COPS2: variants seen among roughly 807,000 people sequenced by gnomAD.
The protein encoded by COPS2 is COP9 signalosome subunit 2.
In COPS2, 10 loss-of-function variants were observed where a neutral mutation model predicts 66.1. The observed-to-expected ratio is 0.15, with a 90% CI of 0.09 to 0.26. The LOEUF is 0.26. Ranked by LOEUF, COPS2 falls within the 10% of genes least tolerant of loss-of-function variation. COPS2 has a pLI of 1.00. For synonymous variants in COPS2, 179 were observed against 171.3 expected, an observed-to-expected ratio of 1.04 and a Z score of -0.35; for missense variants, 215 against 513.3, an observed-to-expected ratio of 0.42 and a Z score of 5.62.
At chr15:49,142,435 G>A (rs941713359) in intron 3 of COPS2, among the ~76,000 whole-genome samples, 2 of 152,174 alleles carry the variant, frequency 1.3e-5, no homozygotes, top group Non-Finnish European at 2.9e-5. Flanking sequence ...AAGATTAGTA[G>A]AAGTTAACCT....
In COPS2 at chr15:49,126,115, C is replaced by G. The variant is rs968393864; in HGVS notation, c.*1835G>C. The G allele has an allele frequency of 3.3e-5, 5 of 152,366 alleles. No homozygotes were observed. The highest frequency in any genetic ancestry group is 1.2e-4 in the African/African-American group (5 of 41,410). 9.4% of individuals were successfully genotyped at this position (152,366 alleles called of 1,614,324 possible). A position where few individuals can be genotyped will look rare whatever the true frequency, so the allele number is the denominator to read the frequency against. ...AAAATAAATCCTAATTAATATCACT[C>G]TTGTAAAAAAAGTTTAGCACACTTT... On this transcript the variant is annotated 3_prime_UTR_variant, in exon 13 of 13. Coordinates refer to ENST00000388901, the MANE Select transcript of COPS2 (RefSeq NM_004236.4).
intron 7 of COPS2, 71 bp downstream of exon 7, chr15:49,134,269 A>G: frequency 2.0e-6 from 3 of 1,517,656 alleles, no homozygotes; most frequent in South Asian, 1.3e-5. Flanking sequence ...GAAGTTCTAA[A>G]AAGCAAGAGT....
intron 1 of COPS2, 42 bp from the exon 2 acceptor site, chr15:49,145,120 G>A: frequency 1.8e-6 from 2 of 1,105,518 alleles, no homozygotes; most frequent in Non-Finnish European, 1.3e-6. Flanking sequence ...AAAAAGAAAA[G>A]AAACCCACAC....
rs2084179576 is a variant in COPS2 at position 49,127,872 on chromosome 15, T to C, written c.*78A>G. On this transcript the variant is annotated 3_prime_UTR_variant, in exon 13 of 13. Transcript: ENST00000388901. ...TTCAGGACACATCAACCGACAGTAG[T>C]TTTGCCATTCCCAGTTCTTTTAAGG... The C allele has an allele frequency of 2.1e-6, 3 of 1,422,898 alleles. No homozygotes were observed. The highest frequency in any genetic ancestry group is 2.9e-5 in the South Asian group (2 of 68,284). 88.1% of individuals were successfully genotyped at this position (1,422,898 alleles called of 1,614,324 possible).
intron 6 of COPS2, 133 bp downstream of exon 6, chr15:49,137,017 C>A: frequency 1.6e-6 from 1 of 632,032 alleles, no homozygotes; most frequent in Non-Finnish European, 2.7e-6. Context: ...AATTTTATAA[C>A]TTATTTTCTA....
chr15:49,150,418 C>T (rs1043183369), intron 1 of COPS2, among the ~76,000 whole-genome samples: 1 of 151,950 alleles, frequency 6.6e-6, no homozygotes, highest in African/African-American at 2.4e-5. Flanking sequence ...AATACATGTT[C>T]GCTATGTACA....
intron 3 of COPS2, among the ~76,000 whole-genome samples, chr15:49,143,903 T>C (rs2084304762): frequency 6.6e-6 from 1 of 151,860 alleles, no homozygotes; most frequent in East Asian, 1.9e-4. Context: ...GGAGAATCAC[T>C]TGAACCCAGG....
At chr15:49,129,387 C>A in intron 11 of COPS2, 90 bp downstream of exon 11, 2 of 444,756 alleles carry the variant, frequency 4.5e-6, no homozygotes, top group Non-Finnish European at 7.9e-6. Context: ...AAAATGTTAC[C>A]AAGTTAGAGT....
At chr15:49,139,964 C>A (rs904392488) in intron 3 of COPS2, among the ~76,000 whole-genome samples, 6 of 152,068 alleles carry the variant, frequency 3.9e-5, no homozygotes, top group African/African-American at 1.4e-4. Flanking sequence ...TATTCATAAG[C>A]CAAAACATAC....
chr15:49,144,381 T>A, intron 2 of COPS2, 77 bp from the exon 3 acceptor site: 1 of 824,786 alleles, frequency 1.2e-6, no homozygotes, highest in Non-Finnish European at 2.0e-6. Flanking sequence ...GTGTAAGTAT[T>A]GAATTAATTT....
intron 9 of COPS2, among the ~76,000 whole-genome samples, chr15:49,132,216 T>G (rs1479222597): frequency 1.3e-5 from 2 of 152,120 alleles, no homozygotes; most frequent in African/African-American, 4.8e-5. Flanking sequence ...GAAATAAAGA[T>G]GACGTTTCCT....
intron 1 of COPS2, among the ~76,000 whole-genome samples, chr15:49,154,528 A>T (rs1430589677): frequency 2.0e-5 from 3 of 152,206 alleles, no homozygotes; most frequent in Non-Finnish European, 4.4e-5. Flanking sequence ...GGCACTTAAA[A>T]TGAGTCAGAC....
In COPS2 at chr15:49,145,025, G is replaced by A; in HGVS notation, c.108C>T (p.Tyr36=). 6.2e-7 allele frequency: 1 copy of A among 1,605,032 alleles called. No homozygotes were observed. The highest frequency in any genetic ancestry group is 8.5e-7 in the Non-Finnish European group (1 of 1,176,462). ...CTTCTTTTAATGCTTTGGAATTATAGTACTGATTTTCCAAATCCACATTTG... is the reference window on the plus strand; with the variant it reads ...CTTCTTTTAATGCTTTGGAATTATAATACTGATTTTCCAAATCCACATTTG... ...SEPNVDLENQ[Y]YNSKALKEDD... is the part of the protein sequence containing the mutation. The change falls in exon 2 of 13, where the codon TAC becomes TAT. Residue 36 remains tyrosine (Y), a synonymous_variant. Transcript: ENST00000388901.
At chr15:49,146,114 G>A (rs184397746) in intron 1 of COPS2, among the ~76,000 whole-genome samples, 1 of 152,252 alleles carries the variant, frequency 6.6e-6, no homozygotes, top group East Asian at 1.9e-4. Context: ...GGTATGCTGT[G>A]TATAATAAGT....
At position 49,148,961 on chromosome 15, in the gene COPS2, G is replaced by A. The variant is rs183453443; in HGVS notation, c.55-3883C>T. Reference sequence around the variant, plus strand: ...AGTATTGCTAAACTGAATTAGTTACGTCAAATGAAAAAGAGATAATTTGTA... The same window carrying A: ...AGTATTGCTAAACTGAATTAGTTACATCAAATGAAAAAGAGATAATTTGTA... On this transcript the variant is annotated intron_variant, in intron 1 of 12. Coordinates refer to ENST00000388901, the MANE Select transcript of COPS2 (RefSeq NM_004236.4). Among the ~76,000 whole-genome samples the A allele has an allele frequency of 1.1e-3, 166 of 152,176 alleles. 1 individual carries two copies. Among genetic ancestry groups the A allele is most frequent in the South Asian group, 1.0e-3 (5 of 4,818 alleles).
intron 1 of COPS2, among the ~76,000 whole-genome samples, chr15:49,149,343 A>C (rs2084342709): frequency 6.6e-6 from 1 of 152,228 alleles, no homozygotes; most frequent in East Asian, 1.9e-4. Context: ...TTTTCTCCTA[A>C]GATACTCCCC....
chr15:49,153,462 T>C (rs1595828136), intron 1 of COPS2, among the ~76,000 whole-genome samples: 1 of 152,268 alleles, frequency 6.6e-6, no homozygotes, highest in Non-Finnish European at 1.5e-5. Flanking sequence ...TTGATGGAGA[T>C]GTAAATTAGT....
At chr15:49,153,878 G>C (rs1285113818) in intron 1 of COPS2, among the ~76,000 whole-genome samples, 1 of 152,174 alleles carries the variant, frequency 6.6e-6, no homozygotes, top group Non-Finnish European at 1.5e-5. Flanking sequence ...GAAGGGTGTT[G>C]TGGGGGGAAG....
intron 1 of COPS2, among the ~76,000 whole-genome samples, chr15:49,153,614 T>C (rs7496530): frequency 0.018 from 2,677 of 152,266 alleles, 100 homozygotes; most frequent in African/African-American, 0.062. Flanking sequence ...GCATTATTCA[T>C]AACAGCAAAG....
Sources: allele counts gnomAD v4.1 joint callset (sites outside exome capture counted in the v4.1 genomes callset), GRCh38; gene constraint gnomAD v4.1.1; transcripts MANE v1.5; gene names NCBI Gene and HGNC (gene_info 2026-07-23, HGNC 2026-07-21).